Variants in BRCA2 observed in about 807,000 individuals in gnomAD.
The protein encoded by BRCA2 is breast cancer type 2 susceptibility protein.
Under a neutral mutation model 276.7 loss-of-function variants are expected in BRCA2, and 203 were observed. The observed-to-expected ratio is 0.73, with a 90% CI of 0.65 to 0.82. The LOEUF (loss-of-function observed/expected upper bound fraction) is 0.82. Ranked by LOEUF, BRCA2 falls within the 40% of genes least tolerant of loss-of-function variation. BRCA2 has a pLI of 0.00. For synonymous variants in BRCA2, 1,289 were observed against 1,338.4 expected (o/e 0.96, Z 0.81); for missense variants, 3,920 against 3,915.0 (o/e 1.00, Z -0.03).
intron 21 of BRCA2, among the ~76,000 whole-genome samples, chr13:32,378,531 A>T (rs1382197785): frequency 6.6e-6 from 1 of 152,214 alleles, no homozygotes; most frequent in Non-Finnish European, 1.5e-5. Context: ...CTATACCTAT[A>T]TTAAGATACA....
rs2137567106 is a variant in BRCA2 at position 32,357,849 on chromosome 13, T to C, written c.7725T>C (p.Thr2575=). Residue 2575 remains threonine (T), a synonymous_variant, in exon 16 of 27, where the codon ACT becomes ACC. Transcript: ENST00000380152. ...ATTTTGGTAAGGAAAGTTTATGGAC[T>C]GGAAAAGGAATACAGTTGGCTGATG... The part of the protein sequence containing the change: ...EDYFGKESLW[T]GKGIQLADGG... 6.2e-7 allele frequency: 1 copy of C among 1,614,106 alleles called. No homozygotes were observed.
Position 32,340,048 on chromosome 13 carries a change from A to G in BRCA2, c.5693A>G (p.Asp1898Gly), listed in dbSNP as rs876658786. ...KIMAGCYEAL[D>G]DSEDILHNSL... ...ATGGCAGGTTGTTACGAGGCATTGG[A>G]TGATTCAGAGGATATTCTTCATAAC... The change falls in exon 11 of 27, where the codon GAT becomes GGT. Residue 1898 changes from aspartate to glycine, a missense_variant. By Grantham distance (94) the Asp-to-Gly change is moderately conservative. This residue lies in a region of BRCA2 where 3,263 missense variants were observed against 3,156.9 expected (regional missense o/e 1.03). Transcript: ENST00000380152. 3 of 1,613,800 alleles carry G rather than the reference A, an allele frequency of 1.9e-6. No homozygotes were observed. Among genetic ancestry groups the G allele is most frequent in the Admixed American group, 3.3e-5 (2 of 60,012 alleles).
chr13:32,361,584 T>C (rs1337900844), intron 16 of BRCA2, among the ~76,000 whole-genome samples: 2 of 152,034 alleles, frequency 1.3e-5, no homozygotes, highest in South Asian at 4.2e-4. Context: ...AGGGAAAAAA[T>C]TGATGATGCA....
intron 24 of BRCA2, among the ~76,000 whole-genome samples, chr13:32,381,802 G>C (rs978640878): frequency 2.0e-5 from 3 of 152,134 alleles, no homozygotes; most frequent in Non-Finnish European, 4.4e-5. Flanking sequence ...CCATTTGGAG[G>C]CTCTTTCAAG....
Position 32,333,358 on chromosome 13 carries a change from C to A in BRCA2, c.1880C>A (p.Ala627Glu), listed in dbSNP as rs587782055. 1 of 1,608,552 alleles carries A rather than the reference C, an allele frequency of 6.2e-7. No individual in the cohort carries two copies. Among genetic ancestry groups the A allele is most frequent in the Non-Finnish European group, 8.5e-7 (1 of 1,178,976 alleles). Residue 627 changes from alanine to glutamate, a missense_variant, in exon 10 of 27, where the codon GCA (alanine) becomes GAA (glutamate). By Grantham distance (107) the Ala-to-Glu change is moderately radical (BLOSUM62 -1). This residue lies in a region of BRCA2 where 3,263 missense variants were observed against 3,156.9 expected (regional missense o/e 1.03). Transcript: ENST00000380152. Reference protein sequence around the residue: ...SAQFEANAFEAPLTFANADSG... With the variant: ...SAQFEANAFEEPLTFANADSG... ...CAGTTTGAAGCAAATGCTTTTGAAG[C>A]ACCACTTACATTTGCAAATGCTGAT...
At chr13:32,381,142 T>G (rs1042103311) in intron 24 of BRCA2, among the ~76,000 whole-genome samples, 7 of 152,178 alleles carry the variant, frequency 4.6e-5, no homozygotes, top group Non-Finnish European at 5.9e-5. Flanking sequence ...TTATTGTTAT[T>G]ATAGAAGGTG....
rs565179161 is a variant in BRCA2, at chr13:32,362,409, A to G, written c.7806-114A>G. 77 of 1,046,534 alleles carry G rather than the reference A, an allele frequency of 7.4e-5. No individual in the cohort carries two copies. In the South Asian group the frequency reaches 1.1e-3, roughly 14 times the overall value. 64.8% of individuals were successfully genotyped at this position (1,046,534 alleles called of 1,614,324 possible). A position where few individuals can be genotyped will look rare whatever the true frequency, so the allele number is the denominator to read the frequency against. On this transcript the variant is annotated intron_variant, in intron 16 of 26. Transcript: ENST00000380152. ...TATATTGTAGATCATATGAACTCAT[A>G]AAAACTTAATGATCTTGAACAATGT...
chr13:32,334,730 T>C (rs537583062), intron 10 of BRCA2, among the ~76,000 whole-genome samples: 30 of 151,962 alleles, frequency 2.0e-4, no homozygotes, highest in Middle Eastern at 3.4e-3. Context: ...CTAAGTTTAA[T>C]GTAGGCCAGT....
At position 32,332,426 on chromosome 13, in the gene BRCA2, A is replaced by T. The variant is rs2137466138; in HGVS notation, c.948A>T (p.Arg316Ser). Residue 316 changes from arginine (R) to serine (S), a missense_variant, in exon 10 of 27, where the codon AGA (arginine) becomes AGT (serine). Arg to Ser is a moderately radical substitution (Grantham distance 110). This residue lies in a region of BRCA2 where 3,263 missense variants were observed against 3,156.9 expected (regional missense o/e 1.03). Coordinates refer to ENST00000380152, the MANE Select transcript of BRCA2 (RefSeq NM_000059.4). Reference protein sequence around the residue: ...DSFSLCFSKCRTKNLQKVRTS... With the variant: ...DSFSLCFSKCSTKNLQKVRTS... ...TTTCATTATGTTTTTCTAAATGTAG[A>T]ACAAAAAATCTACAAAAAGTAAGAA... 1 of 1,591,210 alleles carries T rather than the reference A, an allele frequency of 6.3e-7. No individual in the cohort carries two copies. Among genetic ancestry groups the T allele is most frequent in the Non-Finnish European group, 8.5e-7 (1 of 1,171,820 alleles).
At chr13:32,361,833 A>G (rs1380135052) in intron 16 of BRCA2, among the ~76,000 whole-genome samples, 1 of 152,242 alleles carries the variant, frequency 6.6e-6, no homozygotes, top group East Asian at 1.9e-4. Context: ...GGAGTTAGAG[A>G]TTTGAGAACA....
rs572782576 is a variant in BRCA2, at chr13:32,319,266, T to C, written c.257T>C (p.Leu86Pro). Residue 86 changes from leucine to proline, a missense_variant, in exon 3 of 27, where the codon CTG becomes CCG. Leu to Pro is a moderately conservative substitution (Grantham distance 98). Around this residue, in one of 2 missense-constraint regions of BRCA2, gnomAD observed 3,263 missense variants for 3,156.9 expected, o/e 1.03. Transcript: ENST00000380152. Reference protein sequence around the residue: ...STPIIFKEQGLTLPLYQSPVK... With the variant: ...STPIIFKEQGPTLPLYQSPVK... ...CCAATAATATTCAAAGAGCAAGGGC[T>C]GACTCTGCCGCTGTACCAATCTCCT... 2.2e-5 allele frequency: 36 copies of C among 1,613,960 alleles called. No individual in the cohort carries two copies. The South Asian group carries it at 3.7e-4, about 17-fold the overall frequency.
intron 22 of BRCA2, 83 bp from the exon 23 acceptor site, chr13:32,379,667 A>T (rs2137621336): frequency 6.5e-7 from 1 of 1,538,550 alleles, no homozygotes; most frequent in East Asian, 2.3e-5. Context: ...ATAATATAAA[A>T]GAGGATCTGT....
rs1555284827 is a variant in BRCA2 at position 32,341,077 on chromosome 13, C to CA, written c.6723dup (p.Asp2242ArgfsTer3). 1 of 1,613,946 alleles carries CA rather than the reference C, an allele frequency of 6.2e-7. No homozygotes were observed. Among genetic ancestry groups the CA allele is most frequent in the South Asian group, 1.1e-5 (1 of 91,074 alleles). Reference sequence around the variant, plus strand: ...GCTTTTATGGAAGATGATGAACTGACAGATTCTAAACTGCCAAGTCATGCC... The same window carrying CA: ...GCTTTTATGGAAGATGATGAACTGACAAGATTCTAAACTGCCAAGTCATGCC... On this transcript the variant is annotated frameshift_variant, in exon 11 of 27. Transcript: ENST00000380152. LOFTEE classifies it high-confidence loss of function.
Position 32,397,015 on chromosome 13 carries a change from A to G in BRCA2, c.9619A>G (p.Ile3207Val), listed in dbSNP as rs1057520802. Residue 3207 changes from isoleucine (I) to valine (V), a missense_variant, in exon 26 of 27, where the codon ATC (isoleucine) becomes GTC (valine). Around this residue, in one of 2 missense-constraint regions of BRCA2, gnomAD observed 657 missense variants for 758.2 expected, o/e 0.87. Transcript: ENST00000380152. ...DCTSGPYTAQ[I>V]IPGTGNKLLM... ...TACTTCAGGGCCGTACACTGCTCAAATCATTCCTGGTACAGGAAACAAGCT... is the reference window on the plus strand; with the variant it reads ...TACTTCAGGGCCGTACACTGCTCAAGTCATTCCTGGTACAGGAAACAAGCT... 6.2e-7 allele frequency: 1 copy of G among 1,614,144 alleles called. No individual in the cohort carries two copies. Among genetic ancestry groups the G allele is most frequent in the Non-Finnish European group, 8.5e-7 (1 of 1,179,978 alleles).
At chr13:32,334,585 G>C (rs2072434113) in intron 10 of BRCA2, among the ~76,000 whole-genome samples, 1 of 151,038 alleles carries the variant, frequency 6.6e-6, no homozygotes, top group African/African-American at 2.4e-5. Context: ...CAGACAGGAG[G>C]ATCACTTGAG....
intron 24 of BRCA2, among the ~76,000 whole-genome samples, chr13:32,390,207 T>C (rs1297080309): frequency 2.6e-5 from 4 of 152,112 alleles, no homozygotes; most frequent in Admixed American, 2.6e-4. Flanking sequence ...TGGTCCCCTG[T>C]CCCTTAGAAA....
At position 32,340,686 on chromosome 13, in the gene BRCA2, AAG is replaced by A. The variant is rs80359574; in HGVS notation, c.6335_6336del (p.Arg2112LysfsTer16). 1 of 1,608,706 alleles carries A rather than the reference AAG, an allele frequency of 6.2e-7. No homozygotes were observed. The highest frequency in any genetic ancestry group is 8.5e-7 in the Non-Finnish European group (1 of 1,178,782). ...NVSKILPRVD[K>X]RNPEHCVNSE... The stretch of plus-strand genomic sequence containing the variant: ...ATCAAAAATACTTCCTCGTGTTGAT[AAG>A]AGAAACCCAGAGCACTGTGTAAACT... On this transcript the variant is annotated frameshift_variant, in exon 11 of 27. Coordinates refer to ENST00000380152, the MANE Select transcript of BRCA2 (RefSeq NM_000059.4). LOFTEE classifies it high-confidence loss of function.
chr13:32,375,807 G>T lies in BRCA2; in HGVS notation c.8633-863G>T, dbSNP rs200317342. 1.1e-4 allele frequency among the ~76,000 whole-genome samples: 16 copies of T among 152,076 alleles called. No homozygotes were observed. In the East Asian group the frequency reaches 3.1e-3, roughly 29 times the overall value. Reference sequence around the variant, plus strand: ...ACTCCGGACCTCAGGTGATCCACCCGCCTCGGCCTCCCAAAGTGCTGGGAT... The same window carrying T: ...ACTCCGGACCTCAGGTGATCCACCCTCCTCGGCCTCCCAAAGTGCTGGGAT... On this transcript the variant is annotated intron_variant, in intron 20 of 26. Coordinates refer to ENST00000380152, the MANE Select transcript of BRCA2 (RefSeq NM_000059.4).
In BRCA2 at chr13:32,380,214, T is replaced by C. The variant is rs771894273; in HGVS notation, c.9256+69T>C. On this transcript the variant is annotated intron_variant, in intron 24 of 26. Coordinates refer to ENST00000380152, the MANE Select transcript of BRCA2 (RefSeq NM_000059.4). ...AAACATTGTCTTTTAAAATCTCTTATGATTAGTTGGAGCTACCAGTTGGCA... is the reference window on the plus strand; with the variant it reads ...AAACATTGTCTTTTAAAATCTCTTACGATTAGTTGGAGCTACCAGTTGGCA... The C allele has an allele frequency of 1.6e-5, 24 of 1,507,226 alleles. No homozygotes were observed. In the Admixed American group the frequency reaches 2.2e-4, roughly 14 times the overall value. The allele number at this position is 1,507,226 out of a possible 1,614,324, so 93.4% of individuals were successfully genotyped here.
Sources: gnomAD v4.1 joint callset for allele counts (sites outside exome capture counted in the v4.1 genomes callset) on GRCh38, gnomAD v4.1.1 for gene constraint, gnomAD v4.1.1 regional missense constraint, MANE v1.5 for transcripts, NCBI Gene and HGNC (gene_info 2026-07-23, HGNC 2026-07-21) for gene names.